The following MTUS2 variants were observed in gnomAD, a reference collection of about 807,000 sequenced individuals.
The protein encoded by MTUS2 is microtubule associated scaffold protein 2, also known as microtubule-associated tumor suppressor candidate 2.
Under a neutral mutation model 114.1 loss-of-function variants are expected in MTUS2, and 40 were observed. The observed-to-expected ratio is 0.35, with a 90% CI of 0.27 to 0.46. The LOEUF is 0.46. MTUS2 is among the 20% of genes least tolerant of loss of function. The probability of loss-of-function intolerance (pLI) is 1.00; values close to 1 mark genes in which losing one functional copy is unlikely to be tolerated. For missense variants in MTUS2, 1,679 were observed against 1,705.4 expected (o/e 0.98, Z 0.27); for synonymous variants, 688 against 672.0 (o/e 1.02, Z -0.37).
In MTUS2 at chr13:28,908,591, G is replaced by T. The variant is rs549640710; in HGVS notation, c.-243+68741G>T. ...AGTCTTTGCTATTGTGAATAGTGCC[G>T]CAATAAACATACATGTGCATGTGTC... On this transcript the variant is annotated intron_variant, in intron 2 of 15. Transcript: ENST00000612955. 2.0e-5 allele frequency among the ~76,000 whole-genome samples: 3 copies of T among 151,404 alleles called. No individual in the cohort carries two copies. In the South Asian group the frequency reaches 6.3e-4, roughly 32 times the overall value.
chr13:28,877,317 CA>C (rs59056880), intron 2 of MTUS2, among the ~76,000 whole-genome samples: 11,731 of 113,438 alleles, frequency 0.1, 1,468 homozygotes, highest in African/African-American at 0.33. Context: ...GACTCCATCT[CA>C]AAAAAAAAAA....
chr13:29,329,614 CTT>C (rs34216714), intron 7 of MTUS2, among the ~76,000 whole-genome samples: 1,933 of 105,936 alleles, frequency 0.018, 31 homozygotes, highest in African/African-American at 0.044. Flanking sequence ...GTGCATGTGT[CTT>C]TTTTTTTTTT....
chr13:29,050,888 A>G (rs1318103119), intron 4 of MTUS2, among the ~76,000 whole-genome samples: 1 of 152,212 alleles, frequency 6.6e-6, no homozygotes, highest in East Asian at 1.9e-4. Flanking sequence ...GTGTGGTCAG[A>G]GAACAGGAAT....
chr13:29,389,114 T>C (rs1262329501), intron 8 of MTUS2, among the ~76,000 whole-genome samples: 1 of 151,118 alleles, frequency 6.6e-6, no homozygotes, highest in Non-Finnish European at 1.5e-5. Context: ...GGAAATGATC[T>C]AAGTTGTTTT....
At chr13:29,501,761 G>C (rs1481727836) in intron 15 of MTUS2, among the ~76,000 whole-genome samples, 1 of 152,130 alleles carries the variant, frequency 6.6e-6, no homozygotes, top group Admixed American at 6.5e-5. Context: ...ACTCAGCTAG[G>C]CTCCTCAATG....
At chr13:29,428,152 A>C (rs879865019) in intron 8 of MTUS2, among the ~76,000 whole-genome samples, 3 of 152,100 alleles carry the variant, frequency 2.0e-5, no homozygotes, top group Non-Finnish European at 2.9e-5. Context: ...CAAAGAAGGC[A>C]AAAAAAATTG....
At chr13:29,267,122 G>C (rs141563206) in intron 5 of MTUS2, among the ~76,000 whole-genome samples, 8 of 152,134 alleles carry the variant, frequency 5.3e-5, no homozygotes, top group Non-Finnish European at 1.2e-4. Flanking sequence ...AGGAGCAGAG[G>C]GGGGATTTAT....
At chr13:29,500,796 C>CACAG (rs1349106792) in intron 14 of MTUS2, among the ~76,000 whole-genome samples, 1 of 70,472 alleles carries the variant, frequency 1.4e-5, no homozygotes, top group African/African-American at 7.8e-5. Context: ...ATCAGAAACA[C>CACAG]ACACACACAC....
intron 2 of MTUS2, among the ~76,000 whole-genome samples, chr13:29,022,796 G>A (rs1312785804): frequency 6.6e-6 from 1 of 152,194 alleles, no homozygotes; most frequent in East Asian, 1.9e-4. Flanking sequence ...ATGGTTTAGT[G>A]GTGATCTGTG....
chr13:28,870,180 A>G (rs1393653125), intron 2 of MTUS2, among the ~76,000 whole-genome samples: 4 of 152,222 alleles, frequency 2.6e-5, no homozygotes, highest in Non-Finnish European at 5.9e-5. Context: ...GTTGGTAACT[A>G]TCAGACTCTG....
At chr13:28,988,600 C>T (rs576319928) in intron 2 of MTUS2, among the ~76,000 whole-genome samples, 2 of 152,264 alleles carry the variant, frequency 1.3e-5, no homozygotes, top group East Asian at 3.9e-4. Context: ...TATACAGCCA[C>T]TAACAAAGCT....
chr13:29,391,003 G>A (rs928224559), intron 8 of MTUS2, among the ~76,000 whole-genome samples: 5 of 151,874 alleles, frequency 3.3e-5, no homozygotes, highest in Admixed American at 2.0e-4. Context: ...GGCTGGTCTC[G>A]AACTCCTGAC....
At chr13:28,931,306 G>A (rs1397152747) in intron 2 of MTUS2, among the ~76,000 whole-genome samples, 1 of 152,184 alleles carries the variant, frequency 6.6e-6, no homozygotes, top group African/African-American at 2.4e-5. Context: ...AGATGATATG[G>A]TTAGGCTTTG....
chr13:29,484,318 C>G (rs1052946864), intron 10 of MTUS2: 1 of 152,302 alleles, frequency 6.6e-6, no homozygotes, highest in Admixed American at 6.5e-5. Flanking sequence ...TCCTGCAGAG[C>G]AGGCTCATAG....
At chr13:28,914,245 T>C (rs1880621663) in intron 2 of MTUS2, among the ~76,000 whole-genome samples, 4 of 152,162 alleles carry the variant, frequency 2.6e-5, no homozygotes, top group Non-Finnish European at 1.5e-5. Context: ...GCTATAAATT[T>C]TCCTCTTAAC....
chr13:28,992,764 C>T (rs1191274516), intron 2 of MTUS2, among the ~76,000 whole-genome samples: 1 of 152,110 alleles, frequency 6.6e-6, no homozygotes, highest in African/African-American at 2.4e-5. Context: ...ATACAATTTT[C>T]TGTCTTACCC....
intron 4 of MTUS2, among the ~76,000 whole-genome samples, chr13:29,080,941 G>A (rs1889414665): frequency 6.6e-6 from 1 of 152,120 alleles, no homozygotes; most frequent in Non-Finnish European, 1.5e-5. Context: ...GACCAGGGTG[G>A]TCTTGAACTC....
intron 9 of MTUS2, among the ~76,000 whole-genome samples, chr13:29,463,146 G>A (rs1879630087): frequency 1.3e-5 from 2 of 152,136 alleles, no homozygotes; most frequent in African/African-American, 4.8e-5. Flanking sequence ...ATGGAGGAAG[G>A]GGCCATGAGC....
At chr13:29,448,810 G>A (rs1448315422) in intron 9 of MTUS2, among the ~76,000 whole-genome samples, 1 of 140,810 alleles carries the variant, frequency 7.1e-6, no homozygotes, top group Non-Finnish European at 1.5e-5. Flanking sequence ...CTGGAGTGCA[G>A]TGGTGTGACC....
Sources: gnomAD v4.1 joint callset for allele counts (sites outside exome capture counted in the v4.1 genomes callset) on GRCh38, gnomAD v4.1.1 for gene constraint, MANE v1.5 for transcripts, NCBI Gene and HGNC (gene_info 2026-07-23, HGNC 2026-07-21) for gene names.